FAM98B: variants seen among roughly 807,000 people sequenced by gnomAD.
The protein encoded by FAM98B is tRNA-splicing ligase complex subunit FAM98B.
In FAM98B, 32 loss-of-function variants were observed where a neutral mutation model predicts 43.9. The ratio of observed to expected loss-of-function variants is 0.73; its 90% confidence interval spans 0.55 to 0.98. The LOEUF (loss-of-function observed/expected upper bound fraction) is 0.98, where lower values mean the gene tolerates loss of function less well. Ranked by LOEUF, FAM98B falls within the 50% of genes least tolerant of loss-of-function variation. The pLI, the probability that FAM98B is intolerant of heterozygous loss-of-function variation, is 0.00. For missense variants in FAM98B, 514 were observed against 522.9 expected (o/e 0.98, Z 0.17); for synonymous variants, 190 against 174.0 (o/e 1.09, Z -0.72).
intron 3 of FAM98B, among the ~76,000 whole-genome samples, chr15:38,465,714 T>C (rs1179224265): frequency 3.9e-5 from 6 of 152,242 alleles, no homozygotes; most frequent in Admixed American, 1.3e-4. Context: ...ACATTGATGA[T>C]CTCCAAAGTC....
intron 3 of FAM98B, among the ~76,000 whole-genome samples, chr15:38,469,114 C>T (rs1161616681): frequency 6.6e-6 from 1 of 152,076 alleles, no homozygotes; most frequent in Non-Finnish European, 1.5e-5. Flanking sequence ...CCATGTTGGC[C>T]AAGCTGGTCT....
chr15:38,466,182 TTGTGTGTG>T (rs35919139), intron 3 of FAM98B, among the ~76,000 whole-genome samples: 64 of 147,816 alleles, frequency 4.3e-4, no homozygotes, highest in African/African-American at 6.8e-4. Context: ...GAGATGAAAT[TTGTGTGTG>T]TGTGTGTGTG....
chr15:38,464,859 C>T (rs1233832565), intron 2 of FAM98B, among the ~76,000 whole-genome samples: 2 of 152,198 alleles, frequency 1.3e-5, no homozygotes, highest in Non-Finnish European at 2.9e-5. Flanking sequence ...ACCCCACCCT[C>T]CCAAGTAGTT....
At chr15:38,465,503 A>T in intron 3 of FAM98B, 100 bp downstream of exon 3, 1 of 1,134,480 alleles carries the variant, frequency 8.8e-7, no homozygotes, top group Non-Finnish European at 1.2e-6. Flanking sequence ...TGTATATTAA[A>T]AGGGTTTTAA....
At chr15:38,474,612 A>G (rs1324219713) in intron 6 of FAM98B, among the ~76,000 whole-genome samples, 1 of 152,252 alleles carries the variant, frequency 6.6e-6, no homozygotes, top group Non-Finnish European at 1.5e-5. Flanking sequence ...AGAAGAAAGC[A>G]GGATATAAGA....
chr15:38,454,453 T>C (rs2141048939), intron 1 of FAM98B, among the ~76,000 whole-genome samples: 1 of 152,346 alleles, frequency 6.6e-6, no homozygotes, highest in South Asian at 2.1e-4. Context: ...TGGCCCCCTC[T>C]TCGAAACTTC....
At chr15:38,459,862 TATA>T (rs2141051805) in intron 1 of FAM98B, among the ~76,000 whole-genome samples, 1 of 152,200 alleles carries the variant, frequency 6.6e-6, no homozygotes, top group East Asian at 1.9e-4. Flanking sequence ...AAATGGACAG[TATA>T]GCAAAATATC....
intron 1 of FAM98B, among the ~76,000 whole-genome samples, chr15:38,455,790 A>G (rs1167314511): frequency 2.0e-5 from 3 of 152,208 alleles, no homozygotes; most frequent in Non-Finnish European, 4.4e-5. Flanking sequence ...TATTGTTCAT[A>G]TTATAAGTGT....
intron 1 of FAM98B, among the ~76,000 whole-genome samples, chr15:38,463,538 G>T (rs1889982419): frequency 8.0e-6 from 1 of 125,330 alleles, no homozygotes; most frequent in Non-Finnish European, 1.8e-5. Flanking sequence ...AAATAAAATA[G>T]TAAAGTAAAA....
chr15:38,458,037 G>C (rs1006561190), intron 1 of FAM98B, among the ~76,000 whole-genome samples: 4 of 151,998 alleles, frequency 2.6e-5, no homozygotes, highest in African/African-American at 9.7e-5. Flanking sequence ...TCCAGGGTGG[G>C]GAGAAAACCT....
chr15:38,473,475 T>G (rs1890154317), intron 4 of FAM98B, 30 bp from the exon 5 acceptor site: 1 of 1,512,778 alleles, frequency 6.6e-7, no homozygotes. Context: ...GGAATATACA[T>G]TTTTCACAAT....
At chr15:38,462,948 G>A (rs190065836) in intron 1 of FAM98B, among the ~76,000 whole-genome samples, 3 of 152,246 alleles carry the variant, frequency 2.0e-5, no homozygotes, top group East Asian at 3.9e-4. Flanking sequence ...CAAAGGGCTC[G>A]ACTGGCCTAC....
chr15:38,458,306 A>G (rs972746349), intron 1 of FAM98B, among the ~76,000 whole-genome samples: 2 of 152,136 alleles, frequency 1.3e-5, no homozygotes, highest in African/African-American at 4.8e-5. Flanking sequence ...CCAAAGGCAT[A>G]CCCTTCCTTT....
chr15:38,468,748 A>G (rs1890077548), intron 3 of FAM98B, among the ~76,000 whole-genome samples: 1 of 152,110 alleles, frequency 6.6e-6, no homozygotes, highest in African/African-American at 2.4e-5. Flanking sequence ...CCCAACTCCT[A>G]CTTGTAGATC....
chr15:38,467,465 T>C (rs1260136509), intron 3 of FAM98B, among the ~76,000 whole-genome samples: 1 of 152,184 alleles, frequency 6.6e-6, no homozygotes, highest in Non-Finnish European at 1.5e-5. Flanking sequence ...ATATCACTTA[T>C]GACAGGATAC....
Position 38,480,996 on chromosome 15 carries a change from G to T in FAM98B, c.730-296G>T, listed in dbSNP as rs369125879. Among the ~76,000 whole-genome samples the T allele has an allele frequency of 1.4e-4, 21 of 152,072 alleles. No homozygotes were observed. In the East Asian group the frequency reaches 3.5e-3, roughly 25 times the overall value. Reference sequence around the variant, plus strand: ...CTGATGTTTCCCTTTTAAATGTCCTGTATGTGGTTTTGGTAAAACTATTTT... The same window carrying T: ...CTGATGTTTCCCTTTTAAATGTCCTTTATGTGGTTTTGGTAAAACTATTTT... On this transcript the variant is annotated intron_variant, in intron 6 of 7. Transcript: ENST00000397609.
chr15:38,473,949 T>A (rs1890159997), intron 5 of FAM98B, among the ~76,000 whole-genome samples: 1 of 152,200 alleles, frequency 6.6e-6, no homozygotes, highest in South Asian at 2.1e-4. Flanking sequence ...AAGTATACTC[T>A]ACCAACGGGT....
intron 6 of FAM98B, among the ~76,000 whole-genome samples, chr15:38,475,456 TC>T (rs1890183087): frequency 2.6e-5 from 4 of 152,250 alleles, no homozygotes; most frequent in Admixed American, 2.6e-4. Context: ...GTTGCATTCT[TC>T]CTGGATCCTT....
chr15:38,482,200 G>A (rs1265524429), intron 7 of FAM98B: 1 of 152,354 alleles, frequency 6.6e-6, no homozygotes, highest in East Asian at 1.9e-4. Context: ...CAGAGGGATG[G>A]TTGTTTTTAA....
Sources: gnomAD v4.1 joint callset for allele counts (sites outside exome capture counted in the v4.1 genomes callset) on GRCh38, gnomAD v4.1.1 for gene constraint, MANE v1.5 for transcripts, NCBI Gene and HGNC (gene_info 2026-07-23, HGNC 2026-07-21) for gene names.